CNST: variants seen among roughly 807,000 people sequenced by gnomAD.
CNST encodes consortin.
In CNST, 39 loss-of-function variants were observed where a neutral mutation model predicts 72.4. The ratio of observed to expected loss-of-function variants is 0.54; its 90% CI spans 0.42 to 0.70. CNST has a LOEUF of 0.70. CNST is among the 30% of genes least tolerant of loss of function. CNST has a pLI of 0.00. For missense variants in CNST, 871 were observed against 868.5 expected, an observed-to-expected ratio of 1.00 and a Z score of -0.04; for synonymous variants, 332 against 320.1, an observed-to-expected ratio of 1.04 and a Z score of -0.40.
intron 2 of CNST, among the ~76,000 whole-genome samples, chr1:246,609,249 C>T (rs1209173527): frequency 6.6e-6 from 1 of 152,200 alleles, no homozygotes; most frequent in Admixed American, 6.5e-5. Context: ...TTTGCTGCTT[C>T]GGTATGGTTA....
At chr1:246,592,001 C>A in intron 2 of CNST, 60 bp downstream of exon 2, 1 of 1,330,216 alleles carries the variant, frequency 7.5e-7, no homozygotes, top group Non-Finnish European at 1.0e-6. Flanking sequence ...ACCTCCTTCC[C>A]TCCCATACTG....
intron 8 of CNST, among the ~76,000 whole-genome samples, chr1:246,646,696 T>C (rs187934022): frequency 1.0e-3 from 152 of 152,302 alleles, no homozygotes; most frequent in Non-Finnish European, 1.5e-3. Context: ...GTCAGGCTGG[T>C]TTCGAATTCC....
intron 1 of CNST, among the ~76,000 whole-genome samples, chr1:246,575,164 T>C (rs1398996224): frequency 6.6e-6 from 1 of 152,124 alleles, no homozygotes; most frequent in Non-Finnish European, 1.5e-5. Context: ...TGGCTAATTT[T>C]TGTATTTTCA....
intron 8 of CNST, 75 bp from the exon 9 acceptor site, chr1:246,647,064 C>A: frequency 7.7e-7 from 1 of 1,291,890 alleles, no homozygotes; most frequent in Non-Finnish European, 1.1e-6. Flanking sequence ...TACACATATT[C>A]ATATGTCCCT....
intron 1 of CNST, chr1:246,569,780 A>G: frequency 5.8e-6 from 1 of 172,520 alleles, no homozygotes; most frequent in Non-Finnish European, 1.2e-5. Flanking sequence ...TTGTTTAATG[A>G]GGCTCATAAG....
At chr1:246,658,310 T>C (rs1031032548) in intron 9 of CNST, among the ~76,000 whole-genome samples, 1 of 152,246 alleles carries the variant, frequency 6.6e-6, no homozygotes, top group Non-Finnish European at 1.5e-5. Context: ...AAACCTGTTT[T>C]CTCTGTTGTG....
intron 9 of CNST, among the ~76,000 whole-genome samples, chr1:246,659,399 C>T (rs918546032): frequency 2.0e-5 from 3 of 152,164 alleles, no homozygotes; most frequent in Non-Finnish European, 4.4e-5. Flanking sequence ...TCGAGACCAT[C>T]CTGGCTAACT....
Position 246,608,647 on chromosome 1 carries a change from C to T in CNST, c.380-12782C>T, listed in dbSNP as rs536989312. 1.1e-4 allele frequency among the ~76,000 whole-genome samples: 16 copies of T among 152,264 alleles called. No homozygotes were observed. In the South Asian group the frequency reaches 3.3e-3, roughly 32 times the overall value. ...TGCTGTGTGATCAACAGGATTTAAG[C>T]CCGTGGGTTACCTGCTTTTACAACC... is the stretch of plus-strand genomic sequence containing the variant. On this transcript the variant is annotated intron_variant, in intron 2 of 10. Transcript: ENST00000366513.
intron 2 of CNST, among the ~76,000 whole-genome samples, chr1:246,602,411 T>C (rs1295168165): frequency 1.3e-5 from 2 of 152,142 alleles, no homozygotes; most frequent in South Asian, 2.1e-4. Context: ...CAAGGTTTGA[T>C]AGAGGTTGGA....
At chr1:246,662,753 T>C (rs1350868642) in intron 10 of CNST, among the ~76,000 whole-genome samples, 2 of 152,214 alleles carry the variant, frequency 1.3e-5, no homozygotes, top group African/African-American at 2.4e-5. Flanking sequence ...ATGTGATCTA[T>C]ATGAAAAAAT....
chr1:246,595,656 T>TA (rs1418154895), intron 2 of CNST, among the ~76,000 whole-genome samples: 8 of 152,124 alleles, frequency 5.3e-5, no homozygotes, highest in Non-Finnish European at 1.2e-4. Context: ...AAATGACATA[T>TA]AAAAAACATG....
rs56730668 is a variant in CNST, at chr1:246,585,666, T to TAC, written c.-51-5801_-51-5800dup. 4.7e-3 allele frequency among the ~76,000 whole-genome samples: 474 copies of TAC among 101,576 alleles called. 4 individuals are homozygous for TAC. The highest frequency in any genetic ancestry group is 9.0e-3 in the East Asian group (31 of 3,430). 66.6% of individuals were successfully genotyped at this position (101,576 alleles called of 152,430 possible). On this transcript the variant is annotated intron_variant, in intron 1 of 10. Coordinates refer to ENST00000366513, the MANE Select transcript of CNST (RefSeq NM_152609.3). ...CAAAAAAAAAAAAAAAAAAAAAATA[T>TAC]ACACACACACACACACACACACACA...
At position 246,582,016 on chromosome 1, in the gene CNST, C is replaced by T. The variant is rs142064361; in HGVS notation, c.-51-9496C>T. ...AAATAGAAGTGTCTTTTCATTACAG[C>T]TTAAAAGATGGTTGTAAACTTTCAT... On this transcript the variant is annotated intron_variant, in intron 1 of 10. Coordinates refer to ENST00000366513, the MANE Select transcript of CNST (RefSeq NM_152609.3). Among the ~76,000 whole-genome samples, 664 of 152,144 alleles carry T rather than the reference C, an allele frequency of 4.4e-3. 3 individuals are homozygous for T. The highest frequency in any genetic ancestry group is 0.015 in the African/African-American group (638 of 41,500).
At position 246,667,046 on chromosome 1, in the gene CNST, C is replaced by T. The variant is rs569306087; in HGVS notation, c.*1141C>T. 8.6e-5 allele frequency: 13 copies of T among 151,800 alleles called. No homozygotes were observed. In the East Asian group the frequency reaches 2.3e-3, roughly 27 times the overall value. The allele number at this position is 151,800 out of a possible 1,614,324, so 9.4% of individuals were successfully genotyped here. ...TGTCTGATTTTTGTTTAAATCTGTC[C>T]GTTAGGTGGCCTTTCCTTATCTGAG... On this transcript the variant is annotated 3_prime_UTR_variant, in exon 11 of 11. Transcript: ENST00000366513.
chr1:246,646,566 C>T (rs185423591), intron 8 of CNST, among the ~76,000 whole-genome samples: 113 of 152,164 alleles, frequency 7.4e-4, no homozygotes, highest in Middle Eastern at 3.4e-3. Flanking sequence ...CCGCAGCCTC[C>T]GCCTCCCGGG....
intron 9 of CNST, 90 bp from the exon 10 acceptor site, chr1:246,660,109 C>A: frequency 9.0e-7 from 1 of 1,106,876 alleles, no homozygotes; most frequent in Non-Finnish European, 1.3e-6. Flanking sequence ...AATAAAAATT[C>A]AAATATCTGT....
rs140345058 is a variant in CNST, at chr1:246,639,090, G to A, written c.819-2659G>A. Among the ~76,000 whole-genome samples, 59 of 152,262 alleles carry A rather than the reference G, an allele frequency of 3.9e-4. No individual in the cohort carries two copies. In the East Asian group the frequency reaches 9.8e-3, roughly 25 times the overall value. ...GTGCTTGGAGACAGGCAAGCCATCC[G>A]AGAACTGTGGTTGTGAGCTGTTTAG... On this transcript the variant is annotated intron_variant, in intron 6 of 10. Transcript: ENST00000366513.
chr1:246,639,937 T>C (rs1665571575), intron 6 of CNST, among the ~76,000 whole-genome samples: 2 of 152,160 alleles, frequency 1.3e-5, no homozygotes, highest in African/African-American at 4.8e-5. Context: ...GGCCAATCTC[T>C]CCATCCTCAG....
At position 246,659,852 on chromosome 1, in the gene CNST, C is replaced by T. The variant is rs138616832; in HGVS notation, c.1837-347C>T. 7.5e-4 allele frequency among the ~76,000 whole-genome samples: 114 copies of T among 152,200 alleles called. 1 individual carries two copies. Among genetic ancestry groups the T allele is most frequent in the African/African-American group, 2.6e-3 (109 of 41,552 alleles). ...ATAAAGCAAAACCCAGTGCTAATGA[C>T]GAAGCAAAGAGGGGACTGTGAGTGA... On this transcript the variant is annotated intron_variant, in intron 9 of 10. Coordinates refer to ENST00000366513, the MANE Select transcript of CNST (RefSeq NM_152609.3).
Sources: allele counts gnomAD v4.1 joint callset (sites outside exome capture counted in the v4.1 genomes callset), GRCh38; gene constraint gnomAD v4.1.1; transcripts MANE v1.5; gene names NCBI Gene and HGNC (gene_info 2026-07-23, HGNC 2026-07-21).